Variants in CFAP61 observed in about 807,000 individuals in gnomAD.
CFAP61 encodes the protein cilia and flagella associated protein 61.
CFAP61 carries 107 observed loss-of-function variants against 135.6 expected under a neutral mutation model. That is an observed-to-expected ratio of 0.79 (90% CI 0.67 to 0.93). The LOEUF is 0.93. Among genes scored for constraint, CFAP61 ranks in the 40% least tolerant of loss-of-function variants. The pLI is 0.00. For synonymous variants in CFAP61, 575 were observed against 578.5 expected (o/e 0.99, Z 0.09); for missense variants, 1,507 against 1,556.2 (o/e 0.97, Z 0.53).
chr20:20,357,894 G>GTGAGGGGAGGTGGTCACAC (rs1223455631), intron 26 of CFAP61, among the ~76,000 whole-genome samples: 2 of 145,048 alleles, frequency 1.4e-5, no homozygotes, highest in Non-Finnish European at 3.0e-5. Flanking sequence ...TGGTCATAGT[G>GTGAGGGGAGGTGGTCACAC]TGAGGGGAGG....
intron 1 of CFAP61, among the ~76,000 whole-genome samples, chr20:20,052,930 G>T (rs893939312): frequency 7.0e-6 from 1 of 143,294 alleles, no homozygotes; most frequent in African/African-American, 2.6e-5. Flanking sequence ...TAATTCTAAG[G>T]TGCCCAAATA....
At chr20:20,074,165 A>G (rs2045904994) in intron 3 of CFAP61, 137 bp from the exon 4 acceptor site, 1 of 707,222 alleles carries the variant, frequency 1.4e-6, no homozygotes, top group Non-Finnish European at 2.6e-6. Flanking sequence ...GTGTTGCATC[A>G]CTTAGACATA....
intron 18 of CFAP61, among the ~76,000 whole-genome samples, chr20:20,234,752 TCCCAG>T (rs2049445252): frequency 6.6e-6 from 1 of 152,024 alleles, no homozygotes; most frequent in African/African-American, 2.4e-5. Context: ...GGCTCTGCTT[TCCCAG>T]CCCTCCAGGG....
intron 6 of CFAP61, among the ~76,000 whole-genome samples, chr20:20,079,745 C>T (rs940908895): frequency 2.4e-4 from 37 of 152,094 alleles, no homozygotes; most frequent in African/African-American, 7.7e-4. Context: ...TTATTAATAG[C>T]TAAATAATCC....
At chr20:20,060,982 A>G (rs954198632) in intron 2 of CFAP61, among the ~76,000 whole-genome samples, 1 of 152,228 alleles carries the variant, frequency 6.6e-6, no homozygotes, top group Non-Finnish European at 1.5e-5. Context: ...AGCCTGAGAT[A>G]CCGTGCAAAA....
At chr20:20,309,870 C>T (rs1006077536) in intron 25 of CFAP61, among the ~76,000 whole-genome samples, 1 of 152,092 alleles carries the variant, frequency 6.6e-6, no homozygotes, top group African/African-American at 2.4e-5. Context: ...TATTAGTATT[C>T]AAAGCACACG....
chr20:20,138,087 C>T (rs1176479559), intron 8 of CFAP61, among the ~76,000 whole-genome samples: 2 of 152,076 alleles, frequency 1.3e-5, no homozygotes, highest in African/African-American at 2.4e-5. Context: ...GTGACTCTGC[C>T]AGGTGCCCTA....
chr20:20,075,218 A>T lies in CFAP61; in HGVS notation c.401A>T (p.His134Leu), dbSNP rs754041807. Residue 134 changes from histidine to leucine, a missense_variant, in exon 5 of 27, where the codon CAC becomes CTC. By Grantham distance (99) the His-to-Leu change is moderately conservative. Transcript: ENST00000245957. ...GTGTATAAGGCAGTGCCAGAGCTGCACTTCATATTTCTCATCGTGCCATCC... is the reference window on the plus strand; with the variant it reads ...GTGTATAAGGCAGTGCCAGAGCTGCTCTTCATATTTCTCATCGTGCCATCC... ...RTVYKAVPEL[H>L]FIFLIVPSYM... The T allele has an allele frequency of 1.1e-5, 17 of 1,613,978 alleles. No individual in the cohort carries two copies. Among genetic ancestry groups the T allele is most frequent in the Admixed American group, 1.0e-4 (6 of 59,992 alleles).
chr20:20,307,498 AT>A (rs1207419219), intron 25 of CFAP61, among the ~76,000 whole-genome samples: 1 of 152,220 alleles, frequency 6.6e-6, no homozygotes, highest in Non-Finnish European at 1.5e-5. Flanking sequence ...ACACATCAAT[AT>A]TATCCTTTAT....
At chr20:20,053,833 T>G (rs536830721) in intron 1 of CFAP61, among the ~76,000 whole-genome samples, 97 of 152,254 alleles carry the variant, frequency 6.4e-4, no homozygotes, top group African/African-American at 2.3e-3. Context: ...TGAAGTGATT[T>G]TCCTTAAATG....
intron 21 of CFAP61, among the ~76,000 whole-genome samples, chr20:20,273,950 T>C (rs1279062507): frequency 6.6e-6 from 1 of 152,248 alleles, no homozygotes; most frequent in Non-Finnish European, 1.5e-5. Flanking sequence ...ATTACTCTGA[T>C]AAATGTAAGT....
chr20:20,360,148 G>T, intron 26 of CFAP61, 62 bp from the exon 27 acceptor site: 1 of 1,213,764 alleles, frequency 8.2e-7, no homozygotes, highest in Non-Finnish European at 1.2e-6. Context: ...TCATGAAACT[G>T]CCGTTACAAC....
chr20:20,191,578 G>T (rs562976407), intron 15 of CFAP61, among the ~76,000 whole-genome samples, 159 bp downstream of exon 15: 7 of 152,158 alleles, frequency 4.6e-5, no homozygotes, highest in Admixed American at 4.6e-4. Flanking sequence ...CCACTTGAAG[G>T]ACTTGCAATT....
chr20:20,184,738 G>A (rs542210264), intron 13 of CFAP61: 71 of 152,394 alleles, frequency 4.7e-4, no homozygotes, highest in African/African-American at 1.7e-3. Context: ...GATGAGGTAG[G>A]AACTTCCTCA....
At chr20:20,321,667 T>C (rs182347056) in intron 25 of CFAP61, among the ~76,000 whole-genome samples, 1 of 152,306 alleles carries the variant, frequency 6.6e-6, no homozygotes, top group East Asian at 1.9e-4. Context: ...ACAGCTCCCA[T>C]GTTTACGTTG....
rs1236291641 is a variant in CFAP61, at chr20:20,075,523, G to T, written c.474G>T (p.Gly158=). 1.2e-6 allele frequency: 2 copies of T among 1,613,946 alleles called. No homozygotes were observed. Among genetic ancestry groups the T allele is most frequent in the African/African-American group, 2.7e-5 (2 of 74,896 alleles). Residue 158 remains glycine, a synonymous_variant, in exon 6 of 27, where the codon GGG becomes GGT. Transcript: ENST00000245957. ...TCATAACTGTTTTTGACCAAGTGGG[G>T]AACATCCCGTGTCTGACGTATGAGG... ...STLITVFDQV[G]NIPCLTYEED...
intron 25 of CFAP61, among the ~76,000 whole-genome samples, chr20:20,302,364 T>C (rs2056161024): frequency 1.3e-5 from 2 of 152,224 alleles, no homozygotes; most frequent in African/African-American, 4.8e-5. Context: ...TGGCTAAGAT[T>C]TGTAATAAAA....
chr20:20,297,907 A>G (rs942602840), intron 24 of CFAP61, among the ~76,000 whole-genome samples: 1 of 152,222 alleles, frequency 6.6e-6, no homozygotes, highest in Non-Finnish European at 1.5e-5. Context: ...GTGCAGTATT[A>G]ATAAAGGGTT....
intron 13 of CFAP61, among the ~76,000 whole-genome samples, chr20:20,182,409 G>C (rs1215270877): frequency 6.6e-6 from 1 of 152,090 alleles, no homozygotes; most frequent in Non-Finnish European, 1.5e-5. Context: ...CATAACAATT[G>C]GTCCGCTTCT....
Sources: allele counts gnomAD v4.1 joint callset (sites outside exome capture counted in the v4.1 genomes callset), GRCh38; gene constraint gnomAD v4.1.1; transcripts MANE v1.5; gene names NCBI Gene and HGNC (gene_info 2026-07-23, HGNC 2026-07-21).